DNAJC3: variants seen among roughly 807,000 people sequenced by gnomAD.
The protein encoded by DNAJC3 is DnaJ heat shock protein family (Hsp40) member C3.
DNAJC3 carries 38 observed loss-of-function variants against 68.6 expected under a neutral mutation model. The ratio of observed to expected loss-of-function variants is 0.55; its 90% CI spans 0.43 to 0.73. The LOEUF is 0.73. Among genes scored for constraint, DNAJC3 ranks in the 30% least tolerant of loss-of-function variants. The probability of loss-of-function intolerance (pLI) is 0.00; values close to 1 mark genes in which losing one functional copy is unlikely to be tolerated. For synonymous variants in DNAJC3, 203 were observed against 204.0 expected (o/e 1.00, Z 0.04); for missense variants, 526 against 591.9 (o/e 0.89, Z 1.16).
At chr13:95,719,134 A>G in intron 2 of DNAJC3, among the ~76,000 whole-genome samples, 1 of 152,226 alleles carries the variant, frequency 6.6e-6, no homozygotes. Flanking sequence ...CTGGTTTATT[A>G]TGTGATATTA....
At chr13:95,703,311 C>T (rs1209934753) in intron 1 of DNAJC3, among the ~76,000 whole-genome samples, 1 of 152,154 alleles carries the variant, frequency 6.6e-6, no homozygotes, top group Non-Finnish European at 1.5e-5. Flanking sequence ...CAGTAAGGTA[C>T]AGCCCAGCTT....
At chr13:95,750,767 T>C (rs1364273745) in intron 4 of DNAJC3, among the ~76,000 whole-genome samples, 3 of 151,924 alleles carry the variant, frequency 2.0e-5, no homozygotes, top group African/African-American at 7.3e-5. Context: ...CACCTCAGCC[T>C]CCCAAAGTGC....
At chr13:95,744,473 AG>A (rs1882244068) in intron 4 of DNAJC3, among the ~76,000 whole-genome samples, 1 of 152,226 alleles carries the variant, frequency 6.6e-6, no homozygotes, top group African/African-American at 2.4e-5. Context: ...GAAAAATACA[AG>A]CACAGGATTC....
intron 1 of DNAJC3, chr13:95,692,549 C>A (rs1880301515): frequency 6.6e-6 from 1 of 151,982 alleles, no homozygotes; most frequent in Admixed American, 6.6e-5. Context: ...AGGGCCCAAC[C>A]CCAATCTCAG....
At chr13:95,777,590 A>G (rs1566513244) in intron 9 of DNAJC3, among the ~76,000 whole-genome samples, 1 of 152,222 alleles carries the variant, frequency 6.6e-6, no homozygotes, top group East Asian at 1.9e-4. Flanking sequence ...ACAAGAGACA[A>G]AGTAGGACAT....
rs981265591 is a variant in DNAJC3 at position 95,794,005 on chromosome 13, GCTTT to G, written c.*2979_*2982del. ...TCATTCCTCAGTTCTGAAAGTTTGT[GCTTT>G]CTTACCATGAATAGATGAAAACTTG... On this transcript the variant is annotated 3_prime_UTR_variant, in exon 12 of 12. Transcript: ENST00000602402. 2.0e-5 allele frequency: 3 copies of G among 152,074 alleles called. No homozygotes were observed. Among genetic ancestry groups the G allele is most frequent in the Non-Finnish European group, 2.9e-5 (2 of 68,010 alleles). The allele number at this position is 152,074 out of a possible 1,614,324, so 9.4% of individuals were successfully genotyped here.
chr13:95,710,316 T>C (rs1018187512), intron 2 of DNAJC3, among the ~76,000 whole-genome samples: 1 of 151,620 alleles, frequency 6.6e-6, no homozygotes, highest in African/African-American at 2.4e-5. Flanking sequence ...ATGGTGATTA[T>C]GGCTTACTGC....
rs200036068 is a variant in DNAJC3, at chr13:95,786,041, G to A, written c.1178G>A (p.Arg393Gln). The A allele has an allele frequency of 8.1e-6, 13 of 1,607,458 alleles. No homozygotes were observed. Among genetic ancestry groups the A allele is most frequent in the East Asian group, 2.2e-5 (1 of 44,682 alleles). ...AQRLLKQSQK[R>Q]DYYKILGVKR... ...AGATTATTGAAACAGTCGCAGAAAC[G>A]AGATTATTATAAAATCTTGGGAGTA... Residue 393 changes from arginine (R) to glutamine (Q), a missense_variant, in exon 10 of 12, where the codon CGA (arginine) becomes CAA (glutamine). Transcript: ENST00000602402.
intron 4 of DNAJC3, among the ~76,000 whole-genome samples, chr13:95,725,666 T>TC (rs1881483962): frequency 6.6e-6 from 1 of 151,976 alleles, no homozygotes; most frequent in African/African-American, 2.4e-5. Flanking sequence ...TCTTTTTTTT[T>TC]TTCTCTTTTT....
chr13:95,709,858 C>G (rs928896470), intron 2 of DNAJC3, among the ~76,000 whole-genome samples: 1 of 152,132 alleles, frequency 6.6e-6, no homozygotes, highest in Non-Finnish European at 1.5e-5. Flanking sequence ...CCAGGATGGT[C>G]TCCATCTCCT....
At chr13:95,690,563 C>T (rs1475310169) in intron 1 of DNAJC3, among the ~76,000 whole-genome samples, 20 of 149,070 alleles carry the variant, frequency 1.3e-4, no homozygotes, top group South Asian at 2.1e-4. Flanking sequence ...TAGGGGCGGC[C>T]GGGCAGAGGC....
At chr13:95,749,564 G>C (rs760868306) in intron 4 of DNAJC3, among the ~76,000 whole-genome samples, 20 of 152,146 alleles carry the variant, frequency 1.3e-4, no homozygotes, top group Non-Finnish European at 2.9e-4. Context: ...AGAGATTGAT[G>C]GGGAGGGATA....
intron 9 of DNAJC3, among the ~76,000 whole-genome samples, chr13:95,779,889 T>G (rs1052412589): frequency 6.6e-5 from 10 of 152,232 alleles, no homozygotes; most frequent in African/African-American, 2.4e-4. Flanking sequence ...CTTTTCCTGA[T>G]TTTTAAAATA....
chr13:95,789,066 A>C (rs1435284664), intron 11 of DNAJC3, among the ~76,000 whole-genome samples: 1 of 152,236 alleles, frequency 6.6e-6, no homozygotes, highest in African/African-American at 2.4e-5. Flanking sequence ...TGAGAGAGCA[A>C]AGCGAGACTT....
intron 9 of DNAJC3, among the ~76,000 whole-genome samples, chr13:95,783,177 T>C (rs1883503702): frequency 6.6e-6 from 1 of 152,182 alleles, no homozygotes; most frequent in South Asian, 2.1e-4. Context: ...CTTAAAATGG[T>C]CTGTCTAGTT....
At chr13:95,678,623 C>T (rs763635042) in intron 1 of DNAJC3, among the ~76,000 whole-genome samples, 2 of 152,134 alleles carry the variant, frequency 1.3e-5, no homozygotes, top group South Asian at 2.1e-4. Context: ...ATTCCTCCTG[C>T]CCCCGCACCC....
At chr13:95,714,337 A>C (rs926273697) in intron 2 of DNAJC3, among the ~76,000 whole-genome samples, 1 of 149,834 alleles carries the variant, frequency 6.7e-6, no homozygotes, top group Non-Finnish European at 1.5e-5. Context: ...GTGAGCTATG[A>C]TTGTGTCACC....
At chr13:95,736,215 G>C (rs1443358405) in intron 4 of DNAJC3, among the ~76,000 whole-genome samples, 1 of 152,164 alleles carries the variant, frequency 6.6e-6, no homozygotes, top group Non-Finnish European at 1.5e-5. Context: ...TGCTGCTTTG[G>C]TTACTGTAGC....
intron 5 of DNAJC3, among the ~76,000 whole-genome samples, chr13:95,759,473 A>G (rs1248003558): frequency 6.6e-6 from 1 of 152,134 alleles, no homozygotes; most frequent in African/African-American, 2.4e-5. Flanking sequence ...CACCACACCC[A>G]GTTAATAATT....
Sources: allele counts gnomAD v4.1 joint callset (sites outside exome capture counted in the v4.1 genomes callset), GRCh38; gene constraint gnomAD v4.1.1; transcripts MANE v1.5; gene names NCBI Gene and HGNC (gene_info 2026-07-23, HGNC 2026-07-21).